VAV3: variants seen among roughly 807,000 people sequenced by gnomAD.
VAV3 encodes the protein guanine nucleotide exchange factor VAV3.
Under a neutral mutation model 131.2 loss-of-function variants are expected in VAV3, and 94 were observed. That is an observed-to-expected ratio of 0.72 (90% CI 0.61 to 0.85). The LOEUF is 0.85. Among genes scored for constraint, VAV3 ranks in the 40% least tolerant of loss-of-function variants. The pLI, the probability that VAV3 is intolerant of heterozygous loss-of-function variation, is 0.00. For missense variants in VAV3, 939 were observed against 1,002.7 expected, an observed-to-expected ratio of 0.94 and a Z score of 0.86; for synonymous variants, 349 against 342.0, an observed-to-expected ratio of 1.02 and a Z score of -0.22.
At position 107,632,590 on chromosome 1, in the gene VAV3, GT is replaced by G. The variant is rs369221408; in HGVS notation, c.1914+10028del. ...CGCAATTCTGACCCAAGTTACATCTGTATGGGAAACACTAGATGAACTTTAA... is the reference window on the plus strand; with the variant it reads ...CGCAATTCTGACCCAAGTTACATCTGATGGGAAACACTAGATGAACTTTAA... On this transcript the variant is annotated intron_variant, in intron 20 of 26. Coordinates refer to ENST00000370056, the MANE Select transcript of VAV3 (RefSeq NM_006113.5). 1.8e-3 allele frequency among the ~76,000 whole-genome samples: 273 copies of G among 152,274 alleles called. 1 individual carries two copies. The highest frequency in any genetic ancestry group is 6.3e-3 in the African/African-American group (260 of 41,546).
intron 1 of VAV3, among the ~76,000 whole-genome samples, chr1:107,886,922 C>A (rs1671063592): frequency 6.6e-6 from 1 of 151,798 alleles, no homozygotes; most frequent in African/African-American, 2.4e-5. Context: ...AAAAATACAA[C>A]AAAAACACAT....
In VAV3 at chr1:107,867,495, G is replaced by T. The variant is rs1330213518; in HGVS notation, c.321+7406C>A. On this transcript the variant is annotated intron_variant, in intron 2 of 26. Transcript: ENST00000370056. ...AACAAAGGAGGGCAATAGTGCTAAT[G>T]ATCTGGGAATTGTGTTAACAGCCAG... is the stretch of plus-strand genomic sequence containing the variant. Among the ~76,000 whole-genome samples, 3 of 152,186 alleles carry T rather than the reference G, an allele frequency of 2.0e-5. No homozygotes were observed. In the East Asian group the frequency reaches 5.8e-4, roughly 29 times the overall value.
At chr1:107,584,255 A>G (rs914011194) in intron 25 of VAV3, among the ~76,000 whole-genome samples, 1 of 152,230 alleles carries the variant, frequency 6.6e-6, no homozygotes, top group East Asian at 1.9e-4. Context: ...ACAAGAATCA[A>G]TTCAAGATGG....
Position 107,772,763 on chromosome 1 carries a change from A to T in VAV3, c.527T>A (p.Leu176Ter). The change falls in exon 5 of 27, where the codon TTA becomes TAA. Residue 176 changes from leucine (L) to a stop codon, truncating the protein, a stop_gained. Transcript: ENST00000370056. LOFTEE classifies it high-confidence loss of function. Reference sequence around the variant, plus strand: ...CTGATGTGCTTCCTCTGCCTTCATTAAGTCCTCATAGACTTCTCCACCTTC... The same window carrying T: ...CTGATGTGCTTCCTCTGCCTTCATTTAGTCCTCATAGACTTCTCCACCTTC... ...EDEGGEVYED[L>*]MKAEEAHQPK... is the part of the protein sequence containing the mutation. The T allele has an allele frequency of 6.2e-7, 1 of 1,613,788 alleles. No homozygotes were observed. Among genetic ancestry groups the T allele is most frequent in the Non-Finnish European group, 8.5e-7 (1 of 1,179,834 alleles).
chr1:107,618,066 T>A (rs1320425932), intron 20 of VAV3, among the ~76,000 whole-genome samples: 1 of 152,086 alleles, frequency 6.6e-6, no homozygotes, highest in African/African-American at 2.4e-5. Context: ...ATCCCTCACA[T>A]GCGCAGTTCA....
chr1:107,949,473 G>C (rs1674430777), intron 1 of VAV3, among the ~76,000 whole-genome samples: 1 of 151,966 alleles, frequency 6.6e-6, no homozygotes, highest in African/African-American at 2.4e-5. Flanking sequence ...ACAGTGCCCA[G>C]CTAATTAAAA....
intron 1 of VAV3, among the ~76,000 whole-genome samples, chr1:107,925,900 A>ATATATTTGT (rs1553231894): frequency 1.3e-5 from 2 of 149,758 alleles, no homozygotes; most frequent in African/African-American, 4.9e-5. Context: ...AACATATATG[A>ATATATTTGT]TATATATGTT....
chr1:107,745,447 T>C (rs1663284663), intron 15 of VAV3, among the ~76,000 whole-genome samples: 1 of 152,190 alleles, frequency 6.6e-6, no homozygotes, highest in African/African-American at 2.4e-5. Flanking sequence ...CTTTTCTCTT[T>C]GTTCAGCCTT....
chr1:107,769,344 G>A (rs921891063), intron 6 of VAV3, among the ~76,000 whole-genome samples: 1 of 152,120 alleles, frequency 6.6e-6, no homozygotes, highest in East Asian at 1.9e-4. Flanking sequence ...GGACATTACC[G>A]ATCGTCTAAT....
intron 15 of VAV3, among the ~76,000 whole-genome samples, chr1:107,720,505 C>T (rs1418829122): frequency 1.3e-5 from 2 of 148,570 alleles, no homozygotes; most frequent in African/African-American, 4.9e-5. Context: ...ATGGAGAAAC[C>T]CCGTGTCTAC....
At chr1:107,848,772 G>A (rs1669091347) in intron 2 of VAV3, among the ~76,000 whole-genome samples, 1 of 152,164 alleles carries the variant, frequency 6.6e-6, no homozygotes, top group South Asian at 2.1e-4. Flanking sequence ...TAGGAAGAGA[G>A]GAAGTCAAAT....
At chr1:107,948,017 A>G (rs1674353581) in intron 1 of VAV3, among the ~76,000 whole-genome samples, 1 of 152,228 alleles carries the variant, frequency 6.6e-6, no homozygotes, top group African/African-American at 2.4e-5. Context: ...TACCTGGCTT[A>G]AAATAGCAAA....
intron 19 of VAV3, among the ~76,000 whole-genome samples, chr1:107,679,494 T>C (rs1296899070): frequency 6.6e-6 from 1 of 152,190 alleles, no homozygotes; most frequent in Non-Finnish European, 1.5e-5. Flanking sequence ...GTTTAAAAGC[T>C]AGTGACTGTA....
At chr1:107,930,992 A>C (rs1277364614) in intron 1 of VAV3, among the ~76,000 whole-genome samples, 2 of 152,242 alleles carry the variant, frequency 1.3e-5, no homozygotes, top group Non-Finnish European at 2.9e-5. Context: ...AATGTGAAAT[A>C]GTCTACGAGA....
intron 15 of VAV3, among the ~76,000 whole-genome samples, chr1:107,705,563 A>C (rs529076071): frequency 1.8e-4 from 27 of 152,334 alleles, no homozygotes; most frequent in African/African-American, 6.3e-4. Context: ...GTGAACATTA[A>C]AAAATTCTTA....
intron 2 of VAV3, among the ~76,000 whole-genome samples, chr1:107,871,239 T>C (rs1396597828): frequency 6.6e-6 from 1 of 152,180 alleles, no homozygotes; most frequent in Non-Finnish European, 1.5e-5. Flanking sequence ...TACTTATTTT[T>C]ATTATCAGAA....
chr1:107,896,772 G>A (rs754187329), intron 1 of VAV3, among the ~76,000 whole-genome samples: 7 of 152,034 alleles, frequency 4.6e-5, no homozygotes, highest in Non-Finnish European at 8.8e-5. Context: ...GTCATGTTCC[G>A]TTCCATTTAT....
At chr1:107,944,730 G>T (rs993799236) in intron 1 of VAV3, among the ~76,000 whole-genome samples, 1 of 152,070 alleles carries the variant, frequency 6.6e-6, no homozygotes, top group Non-Finnish European at 1.5e-5. Flanking sequence ...TCAGCCTCTC[G>T]AGTAGCTGGG....
At chr1:107,920,743 C>A (rs1036539111) in intron 1 of VAV3, among the ~76,000 whole-genome samples, 1 of 152,216 alleles carries the variant, frequency 6.6e-6, no homozygotes, top group Admixed American at 6.5e-5. Flanking sequence ...AGGGGATCCT[C>A]CCCCTACTGA....
Sources: allele counts gnomAD v4.1 joint callset (sites outside exome capture counted in the v4.1 genomes callset), GRCh38; gene constraint gnomAD v4.1.1; transcripts MANE v1.5; gene names NCBI Gene and HGNC (gene_info 2026-07-23, HGNC 2026-07-21).